The following LPP variants were observed in gnomAD, a reference collection of about 807,000 sequenced individuals.
LPP encodes the protein LIM domain containing preferred translocation partner in lipoma.
Under a neutral mutation model 60.4 loss-of-function variants are expected in LPP, and 38 were observed. The ratio of observed to expected loss-of-function variants is 0.63; its 90% CI spans 0.49 to 0.83. The LOEUF is 0.83. Among genes scored for constraint, LPP ranks in the 40% least tolerant of loss-of-function variants. LPP has a pLI of 0.00. For missense variants in LPP, 902 were observed against 783.6 expected (o/e 1.15, Z -1.80); for synonymous variants, 328 against 290.8 (o/e 1.13, Z -1.30).
intron 7 of LPP, among the ~76,000 whole-genome samples, chr3:188,639,029 T>C (rs1470192402): frequency 6.6e-6 from 1 of 150,494 alleles, no homozygotes; most frequent in Admixed American, 6.6e-5. Flanking sequence ...AAAGTTCATA[T>C]GGAACCAAAA....
intron 1 of LPP, among the ~76,000 whole-genome samples, chr3:188,177,870 AG>A (rs1221142347): frequency 6.6e-6 from 1 of 152,188 alleles, no homozygotes; most frequent in South Asian, 2.1e-4. Flanking sequence ...GAACTTTGAC[AG>A]TTGCTGCCCG....
intron 5 of LPP, among the ~76,000 whole-genome samples, chr3:188,503,171 G>A (rs1240335834): frequency 2.6e-5 from 4 of 151,760 alleles, no homozygotes; most frequent in African/African-American, 7.3e-5. Flanking sequence ...TACAATGGGG[G>A]TTACATTTAA....
chr3:188,650,454 C>G (rs1851866089), intron 7 of LPP, among the ~76,000 whole-genome samples: 1 of 152,144 alleles, frequency 6.6e-6, no homozygotes, highest in African/African-American at 2.4e-5. Context: ...GACATTGTTT[C>G]TAAACCTCTT....
At chr3:188,617,952 A>G (rs1317857775) in intron 7 of LPP, among the ~76,000 whole-genome samples, 2 of 152,290 alleles carry the variant, frequency 1.3e-5, no homozygotes, top group South Asian at 2.1e-4. Flanking sequence ...AAACACTCAT[A>G]CTGTCCAATT....
intron 2 of LPP, among the ~76,000 whole-genome samples, chr3:188,320,243 A>G (rs1308779423): frequency 6.6e-6 from 1 of 152,222 alleles, no homozygotes; most frequent in African/African-American, 2.4e-5. Flanking sequence ...AATTGGTGGC[A>G]ATGATTATTG....
chr3:188,163,392 T>C (rs1718912281), intron 1 of LPP, among the ~76,000 whole-genome samples: 1 of 152,114 alleles, frequency 6.6e-6, no homozygotes. Context: ...CTGAAGCCAT[T>C]GTTAGTGTCC....
intron 7 of LPP, among the ~76,000 whole-genome samples, chr3:188,646,345 G>A (rs1293480358): frequency 6.6e-6 from 1 of 152,148 alleles, no homozygotes; most frequent in African/African-American, 2.4e-5. Context: ...TGTTTACGGA[G>A]GCAGTCCTGG....
At chr3:188,447,184 A>C (rs1239878689) in intron 4 of LPP, among the ~76,000 whole-genome samples, 1 of 152,220 alleles carries the variant, frequency 6.6e-6, no homozygotes, top group East Asian at 1.9e-4. Context: ...CAGGGCTTCA[A>C]CTTGAGAGAC....
chr3:188,726,404 A>C (rs912665835), intron 8 of LPP, among the ~76,000 whole-genome samples: 2 of 152,110 alleles, frequency 1.3e-5, no homozygotes, highest in African/African-American at 4.8e-5. Context: ...GTCCACAGAG[A>C]TCCTCTCTTT....
chr3:188,697,352 C>G (rs1863474160), intron 7 of LPP, among the ~76,000 whole-genome samples: 1 of 152,182 alleles, frequency 6.6e-6, no homozygotes, highest in Non-Finnish European at 1.5e-5. Flanking sequence ...CAGAAATTTA[C>G]CTCGCCATGG....
At chr3:188,268,650 G>GATTCAAT (rs1736499083) in intron 2 of LPP, among the ~76,000 whole-genome samples, 1 of 152,160 alleles carries the variant, frequency 6.6e-6, no homozygotes, top group Non-Finnish European at 1.5e-5. Context: ...TAGGCTAAAC[G>GATTCAAT]TAATTTAACA....
intron 9 of LPP, among the ~76,000 whole-genome samples, chr3:188,839,833 A>G (rs1239151176): frequency 6.6e-6 from 1 of 152,040 alleles, no homozygotes; most frequent in Admixed American, 6.5e-5. Context: ...AGCCGAGATC[A>G]CTCCACTGCA....
chr3:188,254,063 T>C (rs1486550502), intron 2 of LPP, among the ~76,000 whole-genome samples: 1 of 152,222 alleles, frequency 6.6e-6, no homozygotes, highest in Non-Finnish European at 1.5e-5. Context: ...AGGTTCTTGC[T>C]CAGGGCCATC....
chr3:188,808,719 G>A (rs1326013725), intron 9 of LPP, among the ~76,000 whole-genome samples: 2 of 152,116 alleles, frequency 1.3e-5, no homozygotes, highest in East Asian at 3.9e-4. Flanking sequence ...AGAACATGCA[G>A]GTTTGTTACA....
At chr3:188,329,986 T>C (rs1759547051) in intron 2 of LPP, among the ~76,000 whole-genome samples, 2 of 152,218 alleles carry the variant, frequency 1.3e-5, no homozygotes, top group African/African-American at 4.8e-5. Flanking sequence ...CTGTGCCCTT[T>C]GCTCCCCAAT....
At chr3:188,450,072 G>A (rs1383169380) in intron 4 of LPP, among the ~76,000 whole-genome samples, 1 of 152,016 alleles carries the variant, frequency 6.6e-6, no homozygotes, top group African/African-American at 2.4e-5. Flanking sequence ...CAAAATGCTG[G>A]GATTACAGGT....
At chr3:188,461,724 T>A (rs1799001216) in intron 4 of LPP, among the ~76,000 whole-genome samples, 1 of 152,224 alleles carries the variant, frequency 6.6e-6, no homozygotes. Context: ...CTCTTTTTAT[T>A]GTCCACAGAT....
intron 1 of LPP, chr3:188,179,406 G>A (rs150366053): frequency 2.5e-4 from 113 of 457,828 alleles, no homozygotes; most frequent in African/African-American, 1.8e-3. Context: ...TGCCACCTGC[G>A]GGCTTGGAGG....
At chr3:188,641,339 T>C (rs1184033982) in intron 7 of LPP, among the ~76,000 whole-genome samples, 1 of 152,212 alleles carries the variant, frequency 6.6e-6, no homozygotes, top group African/African-American at 2.4e-5. Context: ...GACACATGCA[T>C]AGAAGTGTAC....
Sources: allele counts gnomAD v4.1 joint callset (sites outside exome capture counted in the v4.1 genomes callset), GRCh38; gene constraint gnomAD v4.1.1; transcripts MANE v1.5; gene names NCBI Gene and HGNC (gene_info 2026-07-23, HGNC 2026-07-21).